The following CSGALNACT1 variants were observed in gnomAD, a reference collection of about 807,000 sequenced individuals.
The protein encoded by CSGALNACT1 is beta4GalNAcT-1.
CSGALNACT1 carries 52 observed loss-of-function variants against 51.0 expected under a neutral mutation model. The observed-to-expected ratio is 1.02, with a 90% CI of 0.82 to 1.29. The LOEUF (loss-of-function observed/expected upper bound fraction) is 1.29. Ranked by LOEUF, CSGALNACT1 falls within the 50% of genes most tolerant of loss-of-function variation. CSGALNACT1 has a pLI of 0.00. For synonymous variants in CSGALNACT1, 341 were observed against 254.4 expected (o/e 1.34, Z -3.24); for missense variants, 935 against 679.2 (o/e 1.38, Z -4.19).
At chr8:19,706,261 T>C (rs913063128) in intron 1 of CSGALNACT1, among the ~76,000 whole-genome samples, 4 of 152,146 alleles carry the variant, frequency 2.6e-5, no homozygotes, top group Non-Finnish European at 5.9e-5. Context: ...AAAGGTATTT[T>C]ACAAAAAGGC....
At chr8:19,531,743 C>G (rs1255771621) in intron 3 of CSGALNACT1, 1 of 152,224 alleles carries the variant, frequency 6.6e-6, no homozygotes, top group African/African-American at 2.4e-5. Context: ...TGTTTGCAAG[C>G]AAATTCAACT....
intron 1 of CSGALNACT1, among the ~76,000 whole-genome samples, chr8:19,630,828 C>T (rs1446265013): frequency 6.6e-6 from 1 of 151,156 alleles, no homozygotes; most frequent in Non-Finnish European, 1.5e-5. Context: ...AGACTAAGAA[C>T]AGTTTTAGGG....
intron 7 of CSGALNACT1, among the ~76,000 whole-genome samples, chr8:19,419,733 C>T (rs1010595374): frequency 3.9e-5 from 6 of 152,114 alleles, no homozygotes; most frequent in East Asian, 1.9e-4. Flanking sequence ...CAGTTGCAGA[C>T]GGAAGAGGGG....
intron 1 of CSGALNACT1, among the ~76,000 whole-genome samples, chr8:19,647,734 A>G (rs913963052): frequency 6.6e-6 from 1 of 152,242 alleles, no homozygotes; most frequent in African/African-American, 2.4e-5. Flanking sequence ...AGTGCAAGTC[A>G]TACGATACAG....
chr8:19,504,506 A>G, intron 4 of CSGALNACT1, among the ~76,000 whole-genome samples: 1 of 152,226 alleles, frequency 6.6e-6, no homozygotes, highest in Non-Finnish European at 1.5e-5. Flanking sequence ...ACTTCCAAGA[A>G]ACTGGACAAG....
At chr8:19,638,751 CAG>C (rs1279331726) in intron 1 of CSGALNACT1, among the ~76,000 whole-genome samples, 1 of 152,000 alleles carries the variant, frequency 6.6e-6, no homozygotes, top group African/African-American at 2.4e-5. Context: ...AGGCTAGAGA[CAG>C]AGTGTCAATT....
chr8:19,416,307 G>T (rs535536838), intron 8 of CSGALNACT1, among the ~76,000 whole-genome samples: 1 of 152,022 alleles, frequency 6.6e-6, no homozygotes, highest in Admixed American at 6.5e-5. Context: ...TAGAGATGGG[G>T]TTTCATCATG....
intron 1 of CSGALNACT1, among the ~76,000 whole-genome samples, chr8:19,756,889 G>A (rs1464789107): frequency 2.0e-5 from 3 of 152,014 alleles, no homozygotes; most frequent in Non-Finnish European, 2.9e-5. Flanking sequence ...CGGGAGCGCA[G>A]CGGCCCCGGA....
At position 19,750,520 on chromosome 8, in the gene CSGALNACT1, C is replaced by T. The variant is rs182223509; in HGVS notation, c.-297+7330G>A. On this transcript the variant is annotated intron_variant, in intron 1 of 1. Coordinates refer to the CSGALNACT1 transcript ENST00000517494. ...TGGTACCTACTACTTCCTGGTGGCT[C>T]GGAACCTTACCTATACCTTTCGTTT... is the stretch of plus-strand genomic sequence containing the variant. Among the ~76,000 whole-genome samples the T allele has an allele frequency of 1.2e-3, 186 of 152,276 alleles. 2 individuals are homozygous for T. Among genetic ancestry groups the T allele is most frequent in the Non-Finnish European group, 2.0e-3 (137 of 68,020 alleles).
At chr8:19,443,969 A>G (rs900749180) in intron 5 of CSGALNACT1, among the ~76,000 whole-genome samples, 1 of 152,152 alleles carries the variant, frequency 6.6e-6, no homozygotes, top group Non-Finnish European at 1.5e-5. Context: ...GGAACACACA[A>G]CCTAGATCCC....
At chr8:19,442,517 C>A (rs1035301441) in intron 5 of CSGALNACT1, among the ~76,000 whole-genome samples, 2 of 142,276 alleles carry the variant, frequency 1.4e-5, no homozygotes, top group Non-Finnish European at 3.0e-5. Context: ...GGGAATTGAA[C>A]AATGAGAACA....
At chr8:19,504,657 T>C (rs1396571040) in intron 4 of CSGALNACT1, among the ~76,000 whole-genome samples, 1 of 152,228 alleles carries the variant, frequency 6.6e-6, no homozygotes, top group African/African-American at 2.4e-5. Flanking sequence ...GTTAAGGACA[T>C]GGACTCTGGA....
intron 1 of CSGALNACT1, among the ~76,000 whole-genome samples, chr8:19,628,202 C>T (rs986445427): frequency 4.6e-5 from 7 of 152,110 alleles, no homozygotes; most frequent in African/African-American, 1.7e-4. Flanking sequence ...GGGTGATTTA[C>T]AAAGGAAAGA....
At chr8:19,650,635 C>A (rs2057718504) in intron 1 of CSGALNACT1, among the ~76,000 whole-genome samples, 1 of 152,112 alleles carries the variant, frequency 6.6e-6, no homozygotes, top group Non-Finnish European at 1.5e-5. Flanking sequence ...TGCCAGAGGC[C>A]AGCACAGTGG....
intron 1 of CSGALNACT1, among the ~76,000 whole-genome samples, chr8:19,635,319 A>AACTTCCTCAGTGTCTACTCT (rs1296269453): frequency 6.6e-6 from 1 of 152,162 alleles, no homozygotes; most frequent in Non-Finnish European, 1.5e-5. Flanking sequence ...TTTTCTGTCC[A>AACTTCCTCAGTGTCTACTCT]ACTTCCTCAG....
intron 3 of CSGALNACT1, among the ~76,000 whole-genome samples, chr8:19,560,335 G>T (rs1664825532): frequency 6.6e-6 from 1 of 152,100 alleles, no homozygotes; most frequent in African/African-American, 2.4e-5. Flanking sequence ...AGCTAGGAAA[G>T]GACTTCTTTA....
chr8:19,614,500 G>T (rs763028157), intron 1 of CSGALNACT1, among the ~76,000 whole-genome samples: 1 of 152,128 alleles, frequency 6.6e-6, no homozygotes, highest in Non-Finnish European at 1.5e-5. Context: ...GATGAGTAAA[G>T]TACAATCATC....
chr8:19,479,056 G>C (rs112873152), intron 4 of CSGALNACT1, among the ~76,000 whole-genome samples: 1 of 152,174 alleles, frequency 6.6e-6, no homozygotes, highest in East Asian at 1.9e-4. Flanking sequence ...AACACCAAAG[G>C]TTACATGGTC....
chr8:19,575,198 G>T (rs1292777031), intron 3 of CSGALNACT1, among the ~76,000 whole-genome samples: 2 of 152,166 alleles, frequency 1.3e-5, no homozygotes, highest in Non-Finnish European at 2.9e-5. Flanking sequence ...TCTATAACCA[G>T]GGTATCTGAA....
Sources: allele counts gnomAD v4.1 joint callset (sites outside exome capture counted in the v4.1 genomes callset), GRCh38; gene constraint gnomAD v4.1.1; transcripts MANE v1.5; gene names NCBI Gene and HGNC (gene_info 2026-07-23, HGNC 2026-07-21).